The following SDK2 variants were observed in gnomAD, a reference collection of about 807,000 sequenced individuals.
SDK2 encodes the protein sidekick cell adhesion molecule 2.
A neutral mutation model predicts 253.9 loss-of-function variants in SDK2; 105 were observed. The ratio of observed to expected loss-of-function variants is 0.41; its 90% CI spans 0.35 to 0.49. SDK2 has a LOEUF of 0.49. Among genes scored for constraint, SDK2 ranks in the 20% least tolerant of loss-of-function variants. SDK2 has a pLI of 0.06. For missense variants in SDK2, 2,608 were observed against 3,003.0 expected, an observed-to-expected ratio of 0.87 and a Z score of 3.07; for synonymous variants, 1,249 against 1,234.9, an observed-to-expected ratio of 1.01 and a Z score of -0.24.
rs1032568410 is a variant in SDK2, at chr17:73,612,221, G to A, written c.64+31804C>T. Among the ~76,000 whole-genome samples the A allele has an allele frequency of 3.9e-5, 6 of 151,924 alleles. No individual in the cohort carries two copies. Among genetic ancestry groups the A allele is most frequent in the African/African-American group, 9.7e-5 (4 of 41,342 alleles). On this transcript the variant is annotated intron_variant, in intron 1 of 44. Transcript: ENST00000392650. The surrounding 1 kb of genome is among the most constrained non-coding windows in gnomAD (Gnocchi z 4.4). The stretch of plus-strand genomic sequence containing the variant: ...CCACAGTGGTGGCCCAGCTGCACCC[G>A]GGCTGCAGGCCGGCCCCCCACGGTC...
rs200492062 is a variant in SDK2 at position 73,399,241 on chromosome 17, C to T, written c.3020G>A (p.Arg1007His). 1.5e-5 allele frequency: 25 copies of T among 1,613,772 alleles called. No homozygotes were observed. The highest frequency in any genetic ancestry group is 1.3e-4 in the East Asian group (6 of 44,870). The change falls in exon 22 of 45, where the codon CGC becomes CAC. Residue 1007 changes from arginine to histidine, a missense_variant. Arg to His is a conservative substitution (Grantham distance 29). Around this residue, in one of 2 missense-constraint regions of SDK2, gnomAD observed 1,505 missense variants for 1,859.1 expected, o/e 0.81. Coordinates refer to ENST00000392650, the MANE Select transcript of SDK2 (RefSeq NM_001144952.2). Reference protein sequence around the residue: ...TNLGISNIGPRSVTLQFRPGY... With the variant: ...TNLGISNIGPHSVTLQFRPGY... ...TGGCCTGAACTGCAAGGTCACAGAGCGGGGGCCGATGTTGGAAATGCCCAG... is the reference window on the plus strand; with the variant it reads ...TGGCCTGAACTGCAAGGTCACAGAGTGGGGGCCGATGTTGGAAATGCCCAG...
In SDK2 at chr17:73,379,861, G is replaced by C. The variant is rs575493258; in HGVS notation, c.4763-312C>G. On this transcript the variant is annotated intron_variant, in intron 34 of 44. Transcript: ENST00000392650. The surrounding 1 kb of genome is among the most constrained non-coding windows in gnomAD (Gnocchi z 4.5). Reference sequence around the variant, plus strand: ...ACCGGGACAACCAGTGTAAACCAAAGCTGTCCTGGGCATGCCTGGACATAG... The same window carrying C: ...ACCGGGACAACCAGTGTAAACCAAACCTGTCCTGGGCATGCCTGGACATAG... Among the ~76,000 whole-genome samples the C allele has an allele frequency of 6.6e-6, 1 of 152,170 alleles. No individual in the cohort carries two copies. Among genetic ancestry groups the C allele is most frequent in the Non-Finnish European group, 1.5e-5 (1 of 68,006 alleles).
intron 18 of SDK2, among the ~76,000 whole-genome samples, chr17:73,408,869 A>C (rs2063103216): frequency 6.6e-6 from 1 of 152,192 alleles, no homozygotes; most frequent in African/African-American, 2.4e-5. Context: ...CAATCAAGAG[A>C]ATTTGAAGGC....
chr17:73,386,716 G>A (rs531301528), intron 30 of SDK2, among the ~76,000 whole-genome samples, 168 bp from the exon 31 acceptor site: 19 of 152,336 alleles, frequency 1.2e-4, no homozygotes, highest in African/African-American at 4.3e-4. Flanking sequence ...TTGCTGCAAA[G>A]AGGACAAACT....
chr17:73,358,556 T>TC (rs2062612860), intron 39 of SDK2, among the ~76,000 whole-genome samples: 1 of 152,052 alleles, frequency 6.6e-6, no homozygotes, highest in African/African-American at 2.4e-5. Context: ...TGCCTCCGTT[T>TC]CCCCCTCTAT....
chr17:73,339,614 G>T (rs1295260463), intron 44 of SDK2, among the ~76,000 whole-genome samples: 1 of 151,162 alleles, frequency 6.6e-6, no homozygotes, highest in African/African-American at 2.4e-5. Flanking sequence ...CTGGAGCACA[G>T]TGGTGTGATC....
intron 36 of SDK2, chr17:73,369,113 G>A: frequency 2.1e-6 from 1 of 467,808 alleles, no homozygotes; most frequent in Non-Finnish European, 4.5e-6. Flanking sequence ...AAACTCCAGG[G>A]CATGGCCCCC....
chr17:73,598,330 T>C (rs1190929692), intron 1 of SDK2, among the ~76,000 whole-genome samples: 1 of 152,172 alleles, frequency 6.6e-6, no homozygotes, highest in Non-Finnish European at 1.5e-5. Context: ...GCTGGGTCAT[T>C]GGCCGACGGC....
Position 73,398,091 on chromosome 17 carries a change from G to A in SDK2, c.3298C>T (p.Pro1100Ser). 1 of 1,613,660 alleles carries A rather than the reference G, an allele frequency of 6.2e-7. No homozygotes were observed. The highest frequency in any genetic ancestry group is 8.5e-7 in the Non-Finnish European group (1 of 1,179,884). The change falls in exon 24 of 45, where the codon CCA (proline) becomes TCA (serine). Residue 1100 changes from proline to serine, a missense_variant. Physicochemically the swap from Pro to Ser is moderately conservative, Grantham distance 74 (BLOSUM62 -1). Coordinates refer to ENST00000392650, the MANE Select transcript of SDK2 (RefSeq NM_001144952.2). Reference protein sequence around the residue: ...QTLQAPPDMAPANVSLRTASE... With the variant: ...QTLQAPPDMASANVSLRTASE... ...GCTGTGCGCAGAGACACATTGGCTG[G>A]GGCCATGTCAGGGGGTGCCTGCAGG...
At chr17:73,631,452 G>A (rs112439121) in intron 1 of SDK2, among the ~76,000 whole-genome samples, 1,810 of 152,346 alleles carry the variant, frequency 0.012, 30 homozygotes, top group African/African-American at 0.041. Flanking sequence ...TCTCAGGGCA[G>A]AAGCCCCTCT....
intron 1 of SDK2, chr17:73,518,298 G>C (rs1265634093): frequency 6.8e-6 from 1 of 146,064 alleles, no homozygotes; most frequent in East Asian, 2.1e-4. Flanking sequence ...CCACTCACAG[G>C]CTGTGTTTCC....
chr17:73,544,981 GCT>G (rs1491254583), intron 1 of SDK2, among the ~76,000 whole-genome samples: 1 of 119,596 alleles, frequency 8.4e-6, no homozygotes, highest in Non-Finnish European at 1.8e-5. Context: ...CCTTGTCAAG[GCT>G]CTTTCTTCCT....
At chr17:73,485,253 G>A (rs1273815572) in intron 2 of SDK2, among the ~76,000 whole-genome samples, 4 of 152,176 alleles carry the variant, frequency 2.6e-5, no homozygotes, top group African/African-American at 9.7e-5. Context: ...GAAGGCTCAG[G>A]TAAGTGCAGG....
At chr17:73,604,084 C>T (rs570824574) in intron 1 of SDK2, among the ~76,000 whole-genome samples, 5 of 152,252 alleles carry the variant, frequency 3.3e-5, no homozygotes, top group South Asian at 2.1e-4. Context: ...ACGCCCGCGC[C>T]GGGCAGCGCC....
intron 1 of SDK2, among the ~76,000 whole-genome samples, chr17:73,587,542 G>A (rs781037924): frequency 1.3e-5 from 2 of 152,204 alleles, no homozygotes; most frequent in Non-Finnish European, 2.9e-5. Context: ...TGTGTTACTG[G>A]GGCGTGACTC....
At chr17:73,420,409 G>A (rs2063219819) in intron 15 of SDK2, among the ~76,000 whole-genome samples, 1 of 152,212 alleles carries the variant, frequency 6.6e-6, no homozygotes, top group Non-Finnish European at 1.5e-5. Flanking sequence ...TCACCTCACT[G>A]CAACCTCTGC....
At chr17:73,604,175 T>C (rs890854643) in intron 1 of SDK2, among the ~76,000 whole-genome samples, 1 of 152,132 alleles carries the variant, frequency 6.6e-6, no homozygotes, top group African/African-American at 2.4e-5. Flanking sequence ...TCCGTGGAAA[T>C]AACGTGCTCA....
Position 73,358,180 on chromosome 17 carries a change from G to A in SDK2, c.5492C>T (p.Pro1831Leu). Residue 1831 changes from proline (P) to leucine (L), a missense_variant, in exon 40 of 45, where the codon CCC (proline) becomes CTC (leucine). Coordinates refer to ENST00000392650, the MANE Select transcript of SDK2 (RefSeq NM_001144952.2). ...GGCAGAGCTGTACCGCACGATGATG[G>A]GCACGCCAGGCGGTCCTGGGGCACC... is the stretch of plus-strand genomic sequence containing the variant. ...GEGAPGPPGVPIIVRYSSAIA... is the reference protein window; with the variant it reads ...GEGAPGPPGVLIIVRYSSAIA... The A allele has an allele frequency of 1.2e-6, 2 of 1,607,700 alleles. No individual in the cohort carries two copies. Among genetic ancestry groups the A allele is most frequent in the Non-Finnish European group, 1.7e-6 (2 of 1,178,194 alleles).
At chr17:73,561,633 C>A (rs1253945461) in intron 1 of SDK2, among the ~76,000 whole-genome samples, 2 of 152,194 alleles carry the variant, frequency 1.3e-5, no homozygotes, top group African/African-American at 4.8e-5. Flanking sequence ...CTGGTGGCCT[C>A]CAATGGCTAC....
Sources: allele counts gnomAD v4.1 joint callset (sites outside exome capture counted in the v4.1 genomes callset), GRCh38; gene constraint gnomAD v4.1.1; regional missense constraint gnomAD v4.1.1; non-coding constraint Gnocchi (gnomAD v3.1); transcripts MANE v1.5; gene names NCBI Gene and HGNC (gene_info 2026-07-23, HGNC 2026-07-21).